GYPC: variants seen among roughly 807,000 people sequenced by gnomAD.
The protein encoded by GYPC is glycophorin C (Gerbich blood group), also known as glycophorin-C.
Under a neutral mutation model 12.6 loss-of-function variants are expected in GYPC, and 14 were observed. That is an observed-to-expected ratio of 1.11 (90% confidence interval 0.74 to 1.74). GYPC has a LOEUF of 1.74. Among genes scored for constraint, GYPC ranks in the 40% most tolerant of loss-of-function variants. The pLI, the probability that GYPC is intolerant of heterozygous loss-of-function variation, is 0.00. For missense variants in GYPC, 225 were observed against 172.1 expected (o/e 1.31, Z -1.72); for synonymous variants, 78 against 62.1 (o/e 1.26, Z -1.20).
chr2:126,664,354 AT>A (rs1682623672), intron 1 of GYPC, among the ~76,000 whole-genome samples: 1 of 151,942 alleles, frequency 6.6e-6, no homozygotes, highest in Non-Finnish European at 1.5e-5. Flanking sequence ...CCAGGGAGGT[AT>A]TTTTATCTCC....
At chr2:126,662,489 G>A (rs1355128553) in intron 1 of GYPC, among the ~76,000 whole-genome samples, 1 of 152,176 alleles carries the variant, frequency 6.6e-6, no homozygotes, top group African/African-American at 2.4e-5. Context: ...GAGGTTTTGG[G>A]TCTGGATCCA....
chr2:126,686,720 GGTCTTTCCAAAAAATAGGTCCTCTCAT>G, intron 1 of GYPC: 2 of 984,650 alleles, frequency 2.0e-6, no homozygotes, highest in Non-Finnish European at 2.4e-6. Flanking sequence ...AGGATGCTTG[GGTCTTTCCAAAAAATAGGTCCTCTCAT>G]GTCTGTCCAA....
At chr2:126,660,258 G>A (rs1229511297) in intron 1 of GYPC, among the ~76,000 whole-genome samples, 4 of 152,210 alleles carry the variant, frequency 2.6e-5, no homozygotes, top group South Asian at 4.1e-4. Flanking sequence ...CCAGTCCACC[G>A]TTGTGTCCAT....
At chr2:126,673,459 T>A (rs956767228) in intron 1 of GYPC, among the ~76,000 whole-genome samples, 1 of 152,092 alleles carries the variant, frequency 6.6e-6, no homozygotes, top group East Asian at 1.9e-4. Context: ...GCCAGTGTGC[T>A]CTCGGGAGGA....
intron 1 of GYPC, chr2:126,686,663 G>T (rs977308291): frequency 1.1e-5 from 11 of 985,130 alleles, no homozygotes; most frequent in African/African-American, 5.2e-5. Flanking sequence ...GTTGCAGGGG[G>T]CCGGGGGGAC....
intron 1 of GYPC, among the ~76,000 whole-genome samples, chr2:126,677,947 T>C (rs561523445): frequency 2.4e-4 from 37 of 152,310 alleles, no homozygotes; most frequent in Admixed American, 7.8e-4. Context: ...ATCGGCCGGG[T>C]GCAGCGGCTC....
intron 1 of GYPC, among the ~76,000 whole-genome samples, chr2:126,687,095 C>T (rs1379213662): frequency 1.3e-5 from 2 of 152,142 alleles, no homozygotes; most frequent in Non-Finnish European, 2.9e-5. Flanking sequence ...GGGCTCTCAC[C>T]CCTCCATCTC....
At chr2:126,658,064 T>G (rs192624082) in intron 1 of GYPC, 1 of 152,304 alleles carries the variant, frequency 6.6e-6, no homozygotes, top group Non-Finnish European at 1.5e-5. Flanking sequence ...CCACAGTTAC[T>G]GCGCGTGAGT....
intron 1 of GYPC, among the ~76,000 whole-genome samples, chr2:126,677,992 T>C (rs540546648): frequency 3.5e-4 from 53 of 152,254 alleles, no homozygotes; most frequent in Non-Finnish European, 5.6e-4. Context: ...GAGGCCAAGG[T>C]GGGCGGATCA....
At chr2:126,677,328 A>T (rs1683020885) in intron 1 of GYPC, among the ~76,000 whole-genome samples, 1 of 141,652 alleles carries the variant, frequency 7.1e-6, no homozygotes, top group African/African-American at 2.5e-5. Context: ...AATGTGTGTG[A>T]TAGTGTGTAA....
intron 1 of GYPC, among the ~76,000 whole-genome samples, chr2:126,671,661 G>A (rs1682859865): frequency 6.6e-6 from 1 of 152,234 alleles, no homozygotes; most frequent in Non-Finnish European, 1.5e-5. Flanking sequence ...TGGCCTGGGA[G>A]CTCAGATTCC....
chr2:126,686,439 CTG>C, intron 1 of GYPC: 1 of 985,418 alleles, frequency 1.0e-6, no homozygotes, highest in Non-Finnish European at 1.2e-6. Context: ...GTAGGAATGA[CTG>C]TAGCCAATGG....
In GYPC at chr2:126,693,938, G is replaced by A. The variant is rs111631066; in HGVS notation, c.181G>A (p.Val61Ile). Residue 61 changes from valine to isoleucine, a missense_variant, in exon 3 of 4, where the codon GTC (valine) becomes ATC (isoleucine). Val to Ile is a conservative substitution (Grantham distance 29). Coordinates refer to ENST00000259254, the MANE Select transcript of GYPC (RefSeq NM_002101.5). ...TSTPTIMDIV[V>I]IAGVIAAVAI... is the part of the protein sequence containing the mutation. ...CACCCCCACCATAATGGACATTGTCGTCATTGCAGGTGAGCTCTCATCACA... is the reference window on the plus strand; with the variant it reads ...CACCCCCACCATAATGGACATTGTCATCATTGCAGGTGAGCTCTCATCACA... 0.016 allele frequency: 25,872 copies of A among 1,604,886 alleles called. 403 individuals are homozygous for A. The highest frequency in any genetic ancestry group is 0.016 in the Non-Finnish European group (19,213 of 1,171,668).
chr2:126,692,520 T>A (rs1683502427), intron 2 of GYPC, among the ~76,000 whole-genome samples: 1 of 152,190 alleles, frequency 6.6e-6, no homozygotes, highest in Non-Finnish European at 1.5e-5. Context: ...TGTTTTATTA[T>A]GTAGAGCCAT....
intron 2 of GYPC, 93 bp from the exon 3 acceptor site, chr2:126,693,771 C>T (rs1209973710): frequency 7.0e-6 from 6 of 860,376 alleles, no homozygotes; most frequent in South Asian, 5.3e-5. Context: ...CAGAGCTGCT[C>T]ACACCTGAGC....
chr2:126,662,260 C>T (rs1682553864), intron 1 of GYPC, among the ~76,000 whole-genome samples: 3 of 152,260 alleles, frequency 2.0e-5, no homozygotes, highest in African/African-American at 7.2e-5. Flanking sequence ...CCAAGCCCTT[C>T]TCCTGTATTC....
chr2:126,665,702 T>C (rs961237165), intron 1 of GYPC, among the ~76,000 whole-genome samples: 1 of 152,342 alleles, frequency 6.6e-6, no homozygotes, highest in Non-Finnish European at 1.5e-5. Flanking sequence ...CACAGGTGCC[T>C]GGGGCTGTGC....
At chr2:126,682,072 G>T (rs536898793) in intron 1 of GYPC, among the ~76,000 whole-genome samples, 1 of 152,212 alleles carries the variant, frequency 6.6e-6, no homozygotes, top group Non-Finnish European at 1.5e-5. Flanking sequence ...GGTGTTCTGC[G>T]CTCCAGCCAC....
chr2:126,659,046 T>A (rs1032774369), intron 1 of GYPC, among the ~76,000 whole-genome samples: 4 of 152,222 alleles, frequency 2.6e-5, no homozygotes, highest in Admixed American at 1.3e-4. Flanking sequence ...GAAACTACCC[T>A]CCTAAAGGTC....
Sources: gnomAD v4.1 joint callset for allele counts (sites outside exome capture counted in the v4.1 genomes callset) on GRCh38, gnomAD v4.1.1 for gene constraint, MANE v1.5 for transcripts, NCBI Gene and HGNC (gene_info 2026-07-23, HGNC 2026-07-21) for gene names.